The following HDAC5 variants were observed in gnomAD, a reference collection of about 807,000 sequenced individuals.
The protein encoded by HDAC5 is histone deacetylase 5, also known as antigen NY-CO-9.
Under a neutral mutation model 133.3 loss-of-function variants are expected in HDAC5, and 25 were observed. The observed-to-expected ratio is 0.19, with a 90% CI of 0.14 to 0.26. The LOEUF (loss-of-function observed/expected upper bound fraction) is 0.26, where lower values mean the gene tolerates loss of function less well. Ranked by LOEUF, HDAC5 falls within the 10% of genes least tolerant of loss-of-function variation. HDAC5 has a pLI of 1.00. For synonymous variants in HDAC5, 589 were observed against 610.8 expected, an observed-to-expected ratio of 0.96 and a Z score of 0.53; for missense variants, 1,041 against 1,460.5, an observed-to-expected ratio of 0.71 and a Z score of 4.68.
At chr17:44,083,769 C>A in intron 17 of HDAC5, 36 bp downstream of exon 17, 1 of 1,588,984 alleles carries the variant, frequency 6.3e-7, no homozygotes, top group Non-Finnish European at 8.6e-7. Flanking sequence ...CTAGGAGAGC[C>A]GCCCGCCCAC....
intron 3 of HDAC5, among the ~76,000 whole-genome samples, chr17:44,108,447 G>A (rs2052110467): frequency 6.6e-6 from 1 of 152,084 alleles, no homozygotes; most frequent in Admixed American, 6.5e-5. Context: ...CCTAAAATAG[G>A]GTTCTAAAGA....
At chr17:44,084,304 C>T (rs1431003956) in intron 16 of HDAC5, among the ~76,000 whole-genome samples, 2 of 152,152 alleles carry the variant, frequency 1.3e-5, no homozygotes, top group African/African-American at 4.8e-5. Flanking sequence ...GCATGATAAG[C>T]CGTGGAGGAG....
intron 3 of HDAC5, among the ~76,000 whole-genome samples, chr17:44,096,868 C>T (rs1301991667): frequency 1.3e-5 from 2 of 151,914 alleles, no homozygotes; most frequent in African/African-American, 4.8e-5. Flanking sequence ...ATTACAGGCG[C>T]CCACCACCAG....
rs772131905 is a variant in HDAC5, at chr17:44,078,478, G to A, written c.3329+22C>T. 67 of 1,595,066 alleles carry A rather than the reference G, an allele frequency of 4.2e-5. No homozygotes were observed. The South Asian group carries it at 7.1e-4, about 17-fold the overall frequency. On this transcript the variant is annotated intron_variant, in intron 26 of 26. Coordinates refer to ENST00000682912, the MANE Select transcript of HDAC5 (RefSeq NM_005474.5). ...GCACCAGCAGGGGTGAGGGCAGAGA[G>A]GTGGTGCGGGTTGCTGCTTACCTGG... is the stretch of plus-strand genomic sequence containing the variant.
intron 2 of HDAC5, among the ~76,000 whole-genome samples, chr17:44,111,935 C>G (rs891109681): frequency 2.0e-5 from 3 of 152,188 alleles, no homozygotes; most frequent in African/African-American, 7.2e-5. Context: ...GGTAGCTCCT[C>G]CATGGCAATG....
chr17:44,111,155 G>A (rs2052315983), intron 2 of HDAC5: 6 of 379,218 alleles, frequency 1.6e-5, no homozygotes, highest in Admixed American at 3.2e-5. Flanking sequence ...GGAGCTCAGC[G>A]GGCAGGCGGG....
At chr17:44,114,368 G>A (rs1216760902) in intron 2 of HDAC5, among the ~76,000 whole-genome samples, 1 of 152,208 alleles carries the variant, frequency 6.6e-6, no homozygotes, top group Admixed American at 6.5e-5. Flanking sequence ...CTGGAAGGCA[G>A]GACACCGAGG....
chr17:44,079,018 G>T, intron 24 of HDAC5, 126 bp downstream of exon 24: 1 of 1,502,556 alleles, frequency 6.7e-7, no homozygotes. Flanking sequence ...TACTCAGAAA[G>T]CCTGGCCATT....
intron 4 of HDAC5, 21 bp from the exon 5 acceptor site, chr17:44,093,506 A>G (rs762598785): frequency 6.2e-7 from 1 of 1,602,132 alleles, no homozygotes; most frequent in South Asian, 1.1e-5. Context: ...ATGGGAACGG[A>G]GGCACAAGTG....
rs750701116 is a variant in HDAC5 at position 44,086,723 on chromosome 17, G to A, written c.1899C>T (p.Ala633=). The A allele has an allele frequency of 2.3e-6, 3 of 1,297,198 alleles. No individual in the cohort carries two copies. The highest frequency in any genetic ancestry group is 5.7e-5 in the East Asian group (2 of 35,196). 80.4% of individuals were successfully genotyped at this position (1,297,198 alleles called of 1,614,324 possible). The change falls in exon 14 of 27, where the codon GCC becomes GCT. Residue 633 remains alanine, a synonymous_variant. Transcript: ENST00000682912. The part of the protein sequence containing the change: ...GAGYKKLFSD[A]QPLQPLQVYQ... ...ACACCTGCAAAGGCTGCAGCGGCTG[G>A]GCATCTGAGAACAGCTGGAGGGGAG...
rs1171505881 is a variant in HDAC5, at chr17:44,084,893, G to C, written c.2184+129C>G. On this transcript the variant is annotated intron_variant, in intron 15 of 26. Transcript: ENST00000682912. ...AGGCTGCAAGGGATGGAACGGGGTG[G>C]TGGGAGAACTGGCCCCGAAGTCTGG... 6.0e-6 allele frequency: 8 copies of C among 1,330,592 alleles called. No individual in the cohort carries two copies. In the African/African-American group the frequency reaches 8.7e-5, roughly 15 times the overall value. The allele number at this position is 1,330,592 out of a possible 1,614,324, so 82.4% of individuals were successfully genotyped here.
In HDAC5 at chr17:44,092,813, T is replaced by TGGGGG. The variant is rs67111880; in HGVS notation, c.642-12_642-8dup. ...AGAAGCATGGTGGGCTCCCCTGGGG[T>TGGGGG]GGGGGGGGGGTGGGGATGGAAGCAG... On this transcript the variant is annotated splice_region_variant and splice_polypyrimidine_tract_variant and intron_variant, in intron 6 of 26. Transcript: ENST00000682912. The TGGGGG allele has an allele frequency of 1.1e-4, 46 of 407,314 alleles. No homozygotes were observed. The highest frequency in any genetic ancestry group is 2.7e-4 in the African/African-American group (10 of 37,508). 25.2% of individuals were successfully genotyped at this position (407,314 alleles called of 1,614,324 possible).
At chr17:44,093,000 T>C in intron 6 of HDAC5, 92 bp downstream of exon 6, 2 of 888,090 alleles carry the variant, frequency 2.3e-6, no homozygotes, top group Non-Finnish European at 3.5e-6. Context: ...GGCCCGTATA[T>C]GGGCACGGGG....
chr17:44,091,711 AGTT>A lies in HDAC5; in HGVS notation c.1150_1152del (p.Asn384del), dbSNP rs753874797. 6.4e-7 allele frequency: 1 copy of A among 1,570,914 alleles called. No homozygotes were observed. The highest frequency in any genetic ancestry group is 1.2e-5 in the South Asian group (1 of 83,766). On this transcript the variant is annotated inframe_deletion, in exon 10 of 27. Coordinates refer to ENST00000682912, the MANE Select transcript of HDAC5 (RefSeq NM_005474.5). ...TGCCCTGTACTTACAGTGAGGTGTG[AGTT>A]GGTGACAGTGACCGTGGCCTGCAGC...
Position 44,107,607 on chromosome 17 carries a change from C to CAAA in HDAC5, c.94+3119_94+3121dup, listed in dbSNP as rs61428400. Among the ~76,000 whole-genome samples the CAAA allele has an allele frequency of 1.1e-3, 99 of 88,612 alleles. 1 individual carries two copies. Among genetic ancestry groups the CAAA allele is most frequent in the African/African-American group, 2.6e-3 (58 of 22,024 alleles). 58.1% of individuals were successfully genotyped at this position (88,612 alleles called of 152,430 possible). The stretch of plus-strand genomic sequence containing the variant: ...TGGGCAAAAGAGGGAGACTCCGTAT[C>CAAA]AAAAAAAAAAAAAAAAAAAAAGGGC... On this transcript the variant is annotated intron_variant, in intron 3 of 26. Transcript: ENST00000682912.
At chr17:44,091,540 T>C (rs1194280157) in intron 10 of HDAC5, 48 bp from the exon 11 acceptor site, 2 of 1,511,682 alleles carry the variant, frequency 1.3e-6, no homozygotes, top group Non-Finnish European at 1.8e-6. Flanking sequence ...CTGCCAACTT[T>C]GGACTAGCAT....
At chr17:44,085,565 G>A (rs1239205617) in intron 14 of HDAC5, among the ~76,000 whole-genome samples, 2 of 151,898 alleles carry the variant, frequency 1.3e-5, no homozygotes, top group Admixed American at 6.6e-5. Flanking sequence ...CCAGTGGCAC[G>A]ATCTCGGCTC....
intron 2 of HDAC5, chr17:44,111,294 A>G: frequency 3.1e-6 from 1 of 318,496 alleles, no homozygotes; most frequent in Non-Finnish European, 6.3e-6. Context: ...CTGTCTATAA[A>G]TAGGTGGAGC....
In HDAC5 at chr17:44,092,387, G is replaced by C. The variant is rs368481117; in HGVS notation, c.913C>G (p.Pro305Ala). ...ACATGAGAGCAGCCCTTACCCCCAG[G>C]CCCGGCACCTGTGATCTCAACAGCT... Reference protein sequence around the residue: ...KRAVEITGAGPGASSVCNSAP... With the variant: ...KRAVEITGAGAGASSVCNSAP... Residue 305 changes from proline to alanine, a missense_variant, in exon 8 of 27, where the codon CCT (proline) becomes GCT (alanine). Physicochemically the swap from Pro to Ala is conservative, Grantham distance 27 (BLOSUM62 -1). Around this residue, in one of 9 missense-constraint regions of HDAC5, gnomAD observed 433 missense variants for 531.6 expected, o/e 0.81. Transcript: ENST00000682912. 3.7e-6 allele frequency: 6 copies of C among 1,612,370 alleles called. No homozygotes were observed. The highest frequency in any genetic ancestry group is 5.1e-6 in the Non-Finnish European group (6 of 1,178,712).
Sources: allele counts gnomAD v4.1 joint callset (sites outside exome capture counted in the v4.1 genomes callset), GRCh38; gene constraint gnomAD v4.1.1; regional missense constraint gnomAD v4.1.1; transcripts MANE v1.5; gene names NCBI Gene and HGNC (gene_info 2026-07-23, HGNC 2026-07-21).